The following SHB variants were observed in gnomAD, a reference collection of about 807,000 sequenced individuals.
SHB encodes SH2 domain-containing adapter protein B.
In SHB, 20 loss-of-function variants were observed where a neutral mutation model predicts 52.3. The observed-to-expected ratio is 0.38, with a 90% CI of 0.27 to 0.56. SHB has a LOEUF of 0.56. SHB is among the 20% of genes least tolerant of loss of function. The probability of loss-of-function intolerance (pLI) is 0.71; values close to 1 mark genes in which losing one functional copy is unlikely to be tolerated. For missense variants in SHB, 825 were observed against 723.3 expected, an observed-to-expected ratio of 1.14 and a Z score of -1.61; for synonymous variants, 397 against 316.5, an observed-to-expected ratio of 1.25 and a Z score of -2.70.
chr9:38,039,211 T>G (rs970347064), intron 1 of SHB, among the ~76,000 whole-genome samples: 2 of 152,348 alleles, frequency 1.3e-5, no homozygotes, highest in African/African-American at 4.8e-5. Context: ...AAGCCTCCAA[T>G]GTTATCTCCA....
chr9:37,991,409 G>A (rs2118015377), intron 2 of SHB, among the ~76,000 whole-genome samples: 1 of 152,306 alleles, frequency 6.6e-6, no homozygotes, highest in South Asian at 2.1e-4. Flanking sequence ...CTGCATTCAA[G>A]AGTATTTCTA....
chr9:38,021,667 CAAAA>C (rs924554296), intron 1 of SHB, among the ~76,000 whole-genome samples: 10 of 147,226 alleles, frequency 6.8e-5, no homozygotes, highest in African/African-American at 2.0e-4. Context: ...GACTCTGTCT[CAAAA>C]GAAAAAAAAA....
chr9:38,028,407 C>T (rs116729527), intron 1 of SHB, among the ~76,000 whole-genome samples: 449 of 152,350 alleles, frequency 2.9e-3, no homozygotes, highest in African/African-American at 0.01. Flanking sequence ...AATCAGAACA[C>T]CACGGTGTGC....
intron 5 of SHB, among the ~76,000 whole-genome samples, chr9:37,944,698 T>C (rs1049679003): frequency 3.2e-4 from 48 of 152,142 alleles, no homozygotes; most frequent in Admixed American, 8.5e-4. Context: ...TCTCAACTCT[T>C]CTGGGAGCCC....
chr9:38,069,174 C>A lies in SHB; in HGVS notation c.-529G>T, dbSNP rs1023636647. 2 of 151,558 alleles carry A rather than the reference C, an allele frequency of 1.3e-5. No homozygotes were observed. Among genetic ancestry groups the A allele is most frequent in the African/African-American group, 4.8e-5 (2 of 41,264 alleles). The allele number at this position is 151,558 out of a possible 1,614,324, so 9.4% of individuals were successfully genotyped here. ...GAGCGACGGAGGAAGGCAGCCGGCG[C>A]CCGCCGGAGCCCGCGCGCCCGTGCC... On this transcript the variant is annotated 5_prime_UTR_variant, in exon 1 of 6. Transcript: ENST00000377707.
At chr9:37,958,372 A>C (rs1374408286) in intron 3 of SHB, among the ~76,000 whole-genome samples, 1 of 152,226 alleles carries the variant, frequency 6.6e-6, no homozygotes. Flanking sequence ...TGGTGACCAC[A>C]GGCTGTTGAC....
At position 38,068,165 on chromosome 9, in the gene SHB, G is replaced by A. The variant is rs199974314; in HGVS notation, c.481C>T (p.Leu161Phe). ...CGCCGCTCGCTGCTGCTGCGGTAGA[G>A]ATGCGGAGAGCCGGAGGACGAGGAC... ...SSSSSSGSPHLYRSSSERRPA... is the reference protein window; with the variant it reads ...SSSSSSGSPHFYRSSSERRPA... The change falls in exon 1 of 6, where the codon CTC becomes TTC. Residue 161 changes from leucine (L) to phenylalanine (F), a missense_variant. By Grantham distance (22) the Leu-to-Phe change is conservative (BLOSUM62 0). Coordinates refer to ENST00000377707, the MANE Select transcript of SHB (RefSeq NM_003028.3). The A allele has an allele frequency of 1.9e-5, 27 of 1,441,224 alleles. No homozygotes were observed. Among genetic ancestry groups the A allele is most frequent in the Non-Finnish European group, 2.3e-5 (26 of 1,110,532 alleles). The allele number at this position is 1,441,224 out of a possible 1,614,324, so 89.3% of individuals were successfully genotyped here.
At chr9:37,928,662 T>G (rs879912802) in intron 5 of SHB, among the ~76,000 whole-genome samples, 1 of 152,152 alleles carries the variant, frequency 6.6e-6, no homozygotes, top group Non-Finnish European at 1.5e-5. Context: ...ATCCACAACA[T>G]GGGAATAACC....
Position 38,016,073 on chromosome 9 carries a change from T to A in SHB, c.776A>T (p.Lys259Ile). 6.2e-7 allele frequency: 1 copy of A among 1,614,158 alleles called. No homozygotes were observed. The highest frequency in any genetic ancestry group is 2.2e-5 in the East Asian group (1 of 44,888). The change falls in exon 2 of 6, where the codon AAA (lysine) becomes ATA (isoleucine). Residue 259 changes from lysine to isoleucine, a missense_variant. By Grantham distance (102) the Lys-to-Ile change is moderately radical. Coordinates refer to ENST00000377707, the MANE Select transcript of SHB (RefSeq NM_003028.3). ...GCCAGCACTCTCCCCCTTTCCTGCT[T>A]TGCTCTTGAGATCATTCTTGGCATC... is the stretch of plus-strand genomic sequence containing the variant. The part of the protein sequence containing the change: ...PFDAKNDLKS[K>I]AGKGESAGYM...
At chr9:37,980,766 T>C (rs796382623) in intron 2 of SHB, among the ~76,000 whole-genome samples, 15 of 152,356 alleles carry the variant, frequency 9.8e-5, no homozygotes, top group South Asian at 6.2e-4. Context: ...CCTTGATCCA[T>C]GGGCCGCGGA....
At chr9:37,944,512 G>A (rs930812914) in intron 5 of SHB, among the ~76,000 whole-genome samples, 18 of 152,194 alleles carry the variant, frequency 1.2e-4, no homozygotes, top group Admixed American at 3.3e-4. Flanking sequence ...AAGGAATGCC[G>A]GGGAGGAGAT....
chr9:38,019,628 T>G (rs1250038740), intron 1 of SHB, among the ~76,000 whole-genome samples: 1 of 152,242 alleles, frequency 6.6e-6, no homozygotes, highest in Admixed American at 6.5e-5. Flanking sequence ...CCTCTCCACA[T>G]GCTTTCAGTG....
intron 3 of SHB, among the ~76,000 whole-genome samples, chr9:37,965,815 C>A (rs1446365687): frequency 1.3e-5 from 2 of 152,110 alleles, no homozygotes; most frequent in Admixed American, 1.3e-4. Context: ...TGACCTGGGC[C>A]AAGTTGTCTC....
chr9:37,932,958 G>A (rs1468673254), intron 5 of SHB, among the ~76,000 whole-genome samples: 1 of 152,026 alleles, frequency 6.6e-6, no homozygotes, highest in Non-Finnish European at 1.5e-5. Context: ...ATAACATCAT[G>A]GTGTATATCT....
intron 1 of SHB, among the ~76,000 whole-genome samples, chr9:38,064,132 T>C (rs1314772889): frequency 6.6e-6 from 1 of 151,974 alleles, no homozygotes; most frequent in Non-Finnish European, 1.5e-5. Context: ...GAAGGAATAC[T>C]GTGTCTACCT....
intron 1 of SHB, among the ~76,000 whole-genome samples, chr9:38,046,066 A>G (rs1332052854): frequency 2.6e-5 from 4 of 152,136 alleles, no homozygotes; most frequent in Non-Finnish European, 5.9e-5. Context: ...GTGTCTACTA[A>G]AAATACGAAA....
At chr9:37,950,939 C>A (rs2103241) in intron 4 of SHB, among the ~76,000 whole-genome samples, 3 of 152,160 alleles carry the variant, frequency 2.0e-5, no homozygotes, top group African/African-American at 7.2e-5. Flanking sequence ...AGTGGGGATG[C>A]TGCCTCCTGG....
In SHB at chr9:37,916,375, C is replaced by G. The variant is rs1240174560; in HGVS notation, c.*3446G>C. 6.6e-6 allele frequency among the ~76,000 whole-genome samples: 1 copy of G among 152,250 alleles called. No homozygotes were observed. The highest frequency in any genetic ancestry group is 1.5e-5 in the Non-Finnish European group (1 of 68,042). ...AGGGCTGCAAGAGCAAATGGGGACC[C>G]TGGCTGCCGGTCCTTGCCAGGCCCT... On this transcript the variant is annotated 3_prime_UTR_variant, in exon 6 of 6. Coordinates refer to ENST00000377707, the MANE Select transcript of SHB (RefSeq NM_003028.3).
At chr9:37,927,497 G>A (rs1216213189) in intron 5 of SHB, among the ~76,000 whole-genome samples, 1 of 152,198 alleles carries the variant, frequency 6.6e-6, no homozygotes, top group East Asian at 1.9e-4. Context: ...CAGGGTGAAG[G>A]CCTTCAGTAA....
Sources: allele counts gnomAD v4.1 joint callset (sites outside exome capture counted in the v4.1 genomes callset), GRCh38; gene constraint gnomAD v4.1.1; transcripts MANE v1.5; gene names NCBI Gene and HGNC (gene_info 2026-07-23, HGNC 2026-07-21).